EXOC4: variants seen among roughly 807,000 people sequenced by gnomAD.
The protein encoded by EXOC4 is exocyst complex component 4.
EXOC4 carries 71 observed loss-of-function variants against 107.2 expected under a neutral mutation model. The observed-to-expected ratio is 0.66, with a 90% CI of 0.55 to 0.81. The LOEUF is 0.81. EXOC4 is among the 30% of genes least tolerant of loss of function. The pLI is 0.00. For missense variants in EXOC4, 1,108 were observed against 1,189.6 expected, an observed-to-expected ratio of 0.93 and a Z score of 1.01; for synonymous variants, 456 against 441.2, an observed-to-expected ratio of 1.03 and a Z score of -0.42.
chr7:133,384,619 T>C (rs1339682037), intron 7 of EXOC4, among the ~76,000 whole-genome samples: 1 of 151,974 alleles, frequency 6.6e-6, no homozygotes, highest in Non-Finnish European at 1.5e-5. Flanking sequence ...TTGAGTGAAA[T>C]TAAAGCTACT....
intron 7 of EXOC4, among the ~76,000 whole-genome samples, chr7:133,412,280 T>TTTG (rs1554448868): frequency 1.4e-5 from 2 of 139,888 alleles, no homozygotes; most frequent in African/African-American, 5.5e-5. Flanking sequence ...AGAATTCAGT[T>TTTG]TTTTTTTTTT....
At chr7:133,585,435 G>T (rs759418488) in intron 9 of EXOC4, among the ~76,000 whole-genome samples, 6 of 152,150 alleles carry the variant, frequency 3.9e-5, no homozygotes, top group Non-Finnish European at 8.8e-5. Flanking sequence ...ACTCTGGGCA[G>T]TGGTGATACA....
At chr7:134,041,111 T>A (rs1563101553) in intron 17 of EXOC4, among the ~76,000 whole-genome samples, 2 of 152,198 alleles carry the variant, frequency 1.3e-5, no homozygotes, top group Admixed American at 1.3e-4. Context: ...ATGGTTCTGT[T>A]TGAGTTGATC....
At chr7:133,942,463 G>A in intron 14 of EXOC4, among the ~76,000 whole-genome samples, 1 of 151,992 alleles carries the variant, frequency 6.6e-6, no homozygotes, top group East Asian at 1.9e-4. Context: ...GCCAGAATTG[G>A]TTTGTGAATT....
At chr7:134,042,037 G>A (rs562370971) in intron 17 of EXOC4, among the ~76,000 whole-genome samples, 2 of 152,004 alleles carry the variant, frequency 1.3e-5, no homozygotes, top group South Asian at 4.2e-4. Flanking sequence ...AGCAGCATTT[G>A]TGGGGAAGTC....
At chr7:133,543,853 T>C (rs1800428308) in intron 9 of EXOC4, among the ~76,000 whole-genome samples, 1 of 152,190 alleles carries the variant, frequency 6.6e-6, no homozygotes, top group Admixed American at 6.5e-5. Context: ...ATCTTGACAG[T>C]GCTGTGAGTG....
intron 9 of EXOC4, among the ~76,000 whole-genome samples, chr7:133,614,092 G>C (rs1802133556): frequency 6.6e-6 from 1 of 152,066 alleles, no homozygotes; most frequent in African/African-American, 2.4e-5. Context: ...AACCCATTGA[G>C]GAAAAAGGAT....
At chr7:133,955,367 G>A (rs1334866571) in intron 14 of EXOC4, among the ~76,000 whole-genome samples, 1 of 152,296 alleles carries the variant, frequency 6.6e-6, no homozygotes, top group African/African-American at 2.4e-5. Flanking sequence ...TCTGCAGCTG[G>A]TTGTCCCGTC....
In EXOC4 at chr7:133,656,321, A is replaced by G. The variant is rs538241745; in HGVS notation, c.1514+26180A>G. Among the ~76,000 whole-genome samples the G allele has an allele frequency of 3.3e-5, 5 of 152,270 alleles. No individual in the cohort carries two copies. The East Asian group carries it at 9.6e-4, about 29-fold the overall frequency. On this transcript the variant is annotated intron_variant, in intron 10 of 17. Coordinates refer to ENST00000253861, the MANE Select transcript of EXOC4 (RefSeq NM_021807.4). ...TTCAGCCTGTGAAAATAAATTAATG[A>G]GTTTGAATATTGGAAGAAATAGAAA...
At chr7:133,933,278 A>G (rs1310152856) in intron 13 of EXOC4, among the ~76,000 whole-genome samples, 1 of 152,206 alleles carries the variant, frequency 6.6e-6, no homozygotes, top group Admixed American at 6.5e-5. Flanking sequence ...AAGATTATCA[A>G]TAATTATGTG....
At chr7:133,321,197 A>T (rs1007557509) in intron 5 of EXOC4, among the ~76,000 whole-genome samples, 1 of 151,412 alleles carries the variant, frequency 6.6e-6, no homozygotes, top group Non-Finnish European at 1.5e-5. Flanking sequence ...AGGTTATTTT[A>T]ATTAAATAAG....
chr7:133,330,287 G>T lies in EXOC4; in HGVS notation c.763+12897G>T, dbSNP rs140650986. On this transcript the variant is annotated intron_variant, in intron 5 of 17. Coordinates refer to ENST00000253861, the MANE Select transcript of EXOC4 (RefSeq NM_021807.4). ...GCCCCTCCCCCCACCAAGCTCAAGT[G>T]TCCCAGGTCAATCTCAGACTGCTGC... Among the ~76,000 whole-genome samples the T allele has an allele frequency of 6.3e-3, 961 of 152,162 alleles. 10 individuals carry two copies. The highest frequency in any genetic ancestry group is 0.022 in the African/African-American group (916 of 41,518).
chr7:133,700,735 G>GT (rs1009809312), intron 10 of EXOC4, among the ~76,000 whole-genome samples: 2 of 152,008 alleles, frequency 1.3e-5, no homozygotes, highest in African/African-American at 4.8e-5. Context: ...CTTGGTAATT[G>GT]TTTTTTATAT....
At chr7:133,267,913 G>A (rs1337006521) in intron 1 of EXOC4, among the ~76,000 whole-genome samples, 1 of 152,134 alleles carries the variant, frequency 6.6e-6, no homozygotes, top group African/African-American at 2.4e-5. Context: ...ACCAGGCACT[G>A]TAAGAATATA....
chr7:133,742,549 GT>G (rs1304425686), intron 10 of EXOC4, among the ~76,000 whole-genome samples: 2 of 152,118 alleles, frequency 1.3e-5, no homozygotes, highest in Non-Finnish European at 2.9e-5. Flanking sequence ...AAACCAAAAA[GT>G]TTAAAGTATT....
intron 17 of EXOC4, among the ~76,000 whole-genome samples, chr7:134,056,957 G>T (rs746266316): frequency 2.0e-5 from 3 of 152,174 alleles, no homozygotes; most frequent in Non-Finnish European, 4.4e-5. Context: ...TCTGGCTGCT[G>T]CTGTCTATCA....
intron 6 of EXOC4, among the ~76,000 whole-genome samples, chr7:133,371,445 A>G (rs974416511): frequency 1.3e-5 from 2 of 151,940 alleles, no homozygotes; most frequent in African/African-American, 4.8e-5. Flanking sequence ...TTGTGTCTCT[A>G]TAAATTTGCC....
In EXOC4 at chr7:133,912,983, TA is replaced by T. The variant is rs532616978; in HGVS notation, c.1872-4599del. Among the ~76,000 whole-genome samples the T allele has an allele frequency of 1.4e-4, 21 of 152,120 alleles. No homozygotes were observed. The East Asian group carries it at 3.5e-3, about 25-fold the overall frequency. On this transcript the variant is annotated intron_variant, in intron 12 of 17. Transcript: ENST00000253861. ...TAGTCAAGGTTGAAAACCTCTGGTA[TA>T]GGGGTGATGAGGCACAAAAAAAGAG... is the stretch of plus-strand genomic sequence containing the variant.
intron 11 of EXOC4, among the ~76,000 whole-genome samples, chr7:133,853,399 A>AC (rs1798282443): frequency 2.9e-5 from 3 of 103,284 alleles, no homozygotes; most frequent in Admixed American, 9.8e-5. Context: ...CACACACACA[A>AC]CTTTTTAGAG....
Sources: gnomAD v4.1 joint callset for allele counts (sites outside exome capture counted in the v4.1 genomes callset) on GRCh38, gnomAD v4.1.1 for gene constraint, MANE v1.5 for transcripts, NCBI Gene and HGNC (gene_info 2026-07-23, HGNC 2026-07-21) for gene names.